The following RAB21 variants were observed in gnomAD, a reference collection of about 807,000 sequenced individuals.
RAB21 encodes ras-related protein Rab-21.
RAB21 carries 13 observed loss-of-function variants against 33.1 expected under a neutral mutation model. The observed-to-expected ratio is 0.39, with a 90% CI of 0.26 to 0.62. The LOEUF is 0.62. RAB21 is among the 20% of genes least tolerant of loss of function. The pLI is 0.48. For missense variants in RAB21, 234 were observed against 279.1 expected (o/e 0.84, Z 1.15); for synonymous variants, 91 against 103.7 (o/e 0.88, Z 0.74).
chr12:71,767,505 TTTTG>T (rs1210223605), intron 1 of RAB21, among the ~76,000 whole-genome samples: 2 of 151,890 alleles, frequency 1.3e-5, no homozygotes, highest in Non-Finnish European at 2.9e-5. Context: ...TTTTTGTTTG[TTTTG>T]TTTTTGTTTT....
intron 3 of RAB21, among the ~76,000 whole-genome samples, chr12:71,772,621 C>T (rs551422860): frequency 6.6e-6 from 1 of 152,128 alleles, no homozygotes; most frequent in African/African-American, 2.4e-5. Flanking sequence ...ACTATATGCA[C>T]ATGGAAGAGA....
Position 71,770,652 on chromosome 12 carries a change from G to A in RAB21, c.280G>A (p.Gly94Arg). The change falls in exon 3 of 7, where the codon GGA (glycine) becomes AGA (arginine). Residue 94 changes from glycine to arginine, a missense_variant. Physicochemically the swap from Gly to Arg is moderately radical, Grantham distance 125. Transcript: ENST00000261263. ...LGPIYYRDSN[G>R]AILVYDITDE... ...TCCAATTTACTACAGAGATTCAAAT[G>A]GAGCGATTTTAGTTTATGACATAAC... 3.1e-6 allele frequency: 5 copies of A among 1,608,600 alleles called. No individual in the cohort carries two copies. Among genetic ancestry groups the A allele is most frequent in the Non-Finnish European group, 3.4e-6 (4 of 1,175,882 alleles).
rs1883502389 is a variant in RAB21, at chr12:71,798,976, A to C, written c.*13303A>C. The C allele has an allele frequency of 6.6e-6, 1 of 152,372 alleles. No individual in the cohort carries two copies. Among genetic ancestry groups the C allele is most frequent in the South Asian group, 2.1e-4 (1 of 4,832 alleles). 9.4% of individuals were successfully genotyped at this position (152,372 alleles called of 1,614,324 possible). A position where few individuals can be genotyped will look rare whatever the true frequency, so the allele number is the denominator to read the frequency against. On this transcript the variant is annotated 3_prime_UTR_variant, in exon 7 of 7. Transcript: ENST00000261263. ...CCTCATGATTTGAAAGGCAAAAGTG[A>C]AGCAGAGGCCAAGTTTTGAAGTTCT...
At position 71,786,849 on chromosome 12, in the gene RAB21, A is replaced by T. The variant is rs752151742; in HGVS notation, c.*1176A>T. ...TTTTTTGTTTGTTATTATAGAAGAG[A>T]TGACTTCTGCTGATTTTGCTTTAGA... On this transcript the variant is annotated 3_prime_UTR_variant, in exon 7 of 7. Coordinates refer to ENST00000261263, the MANE Select transcript of RAB21 (RefSeq NM_014999.4). 6.6e-6 allele frequency: 1 copy of T among 152,188 alleles called. No individual in the cohort carries two copies. The highest frequency in any genetic ancestry group is 1.5e-5 in the Non-Finnish European group (1 of 68,034). The allele number at this position is 152,188 out of a possible 1,614,324, so 9.4% of individuals were successfully genotyped here. A position where few individuals can be genotyped will look rare whatever the true frequency, so the allele number is the denominator to read the frequency against.
At position 71,754,963 on chromosome 12, in the gene RAB21, C is replaced by A; in HGVS notation, c.-167C>A. The A allele has an allele frequency of 1.7e-6, 1 of 579,626 alleles. No individual in the cohort carries two copies. The highest frequency in any genetic ancestry group is 2.2e-6 in the Non-Finnish European group (1 of 456,028). The allele number at this position is 579,626 out of a possible 1,614,324, so 35.9% of individuals were successfully genotyped here. On this transcript the variant is annotated 5_prime_UTR_variant, in exon 1 of 7. Transcript: ENST00000261263. Reference sequence around the variant, plus strand: ...TGGGCTGGGGCCCTTCATTCTCGGACTTTCCCTCAGCCCTTCCAGGCCTCG... The same window carrying A: ...TGGGCTGGGGCCCTTCATTCTCGGAATTTCCCTCAGCCCTTCCAGGCCTCG...
At chr12:71,769,628 G>A (rs1329998410) in intron 1 of RAB21, among the ~76,000 whole-genome samples, 172 bp from the exon 2 acceptor site, 5 of 151,998 alleles carry the variant, frequency 3.3e-5, no homozygotes, top group Admixed American at 3.3e-4. Context: ...AGATAAAAAT[G>A]TAAATAATGT....
At chr12:71,755,342 G>A (rs1274825629) in intron 1 of RAB21, 54 bp downstream of exon 1, 3 of 1,432,648 alleles carry the variant, frequency 2.1e-6, no homozygotes, top group African/African-American at 1.5e-5. Context: ...CCCCTCCGGG[G>A]CTGGGGAAAC....
At chr12:71,774,053 A>T in intron 4 of RAB21, 31 bp downstream of exon 4, 1 of 1,450,516 alleles carries the variant, frequency 6.9e-7, no homozygotes, top group Non-Finnish European at 9.4e-7. Context: ...CTAAAAAAAA[A>T]GTCCTCTGTT....
At chr12:71,783,424 C>T (rs114639110) in intron 6 of RAB21, among the ~76,000 whole-genome samples, 1,662 of 151,372 alleles carry the variant, frequency 0.011, 34 homozygotes, top group African/African-American at 0.039. Flanking sequence ...CATGGTTTTT[C>T]TCTCTAGAAA....
rs1293588583 is a variant in RAB21 at position 71,795,712 on chromosome 12, T to TCA, written c.*10039_*10040insCA. The TCA allele has an allele frequency of 4.4e-5, 6 of 137,306 alleles. 2 individuals are homozygous for TCA. The highest frequency in any genetic ancestry group is 7.6e-5 in the Non-Finnish European group (5 of 66,024). 8.5% of individuals were successfully genotyped at this position (137,306 alleles called of 1,614,324 possible). ...GGTTTTTTGAAGCTCATTAGGATGATACCTGTCATCTCTTGGAAACACTGG... is the reference window on the plus strand; with the variant it reads ...GGTTTTTTGAAGCTCATTAGGATGATCAACCTGTCATCTCTTGGAAACACTGG... On this transcript the variant is annotated 3_prime_UTR_variant, in exon 7 of 7. Coordinates refer to ENST00000261263, the MANE Select transcript of RAB21 (RefSeq NM_014999.4).
chr12:71,756,227 T>G (rs541757021), intron 1 of RAB21, among the ~76,000 whole-genome samples: 22 of 152,348 alleles, frequency 1.4e-4, no homozygotes, highest in African/African-American at 5.3e-4. Flanking sequence ...ACTAGCTGTG[T>G]CATACTGGGT....
At chr12:71,769,913 T>C in intron 2 of RAB21, 54 bp downstream of exon 2, 1 of 1,013,568 alleles carries the variant, frequency 9.9e-7, no homozygotes, top group East Asian at 2.9e-5. Context: ...TTTTTCTTTT[T>C]TTTTAAAGTT....
intron 1 of RAB21, among the ~76,000 whole-genome samples, chr12:71,763,150 C>T (rs980595152): frequency 6.6e-6 from 1 of 150,844 alleles, no homozygotes; most frequent in Non-Finnish European, 1.5e-5. Context: ...CTTACTCATA[C>T]ACTCCCCAAC....
chr12:71,771,869 G>A (rs1331447047), intron 3 of RAB21, among the ~76,000 whole-genome samples: 1 of 151,942 alleles, frequency 6.6e-6, no homozygotes, highest in Non-Finnish European at 1.5e-5. Context: ...TTAGCTACTT[G>A]GGAAGCTGAG....
At chr12:71,760,934 A>G (rs557502096) in intron 1 of RAB21, among the ~76,000 whole-genome samples, 17 of 152,194 alleles carry the variant, frequency 1.1e-4, no homozygotes, top group Admixed American at 5.2e-4. Context: ...GGCTGGGTGC[A>G]GTGGCTCGCA....
At chr12:71,765,238 G>T (rs937374430) in intron 1 of RAB21, among the ~76,000 whole-genome samples, 4 of 152,088 alleles carry the variant, frequency 2.6e-5, no homozygotes, top group Non-Finnish European at 5.9e-5. Context: ...TACGTTTGTT[G>T]GCTGTTTGTA....
At chr12:71,756,123 A>T (rs1268590961) in intron 1 of RAB21, among the ~76,000 whole-genome samples, 8 of 152,194 alleles carry the variant, frequency 5.3e-5, no homozygotes. Context: ...AATTTATCCT[A>T]CTAATTTGAC....
At chr12:71,767,673 T>C (rs1483869280) in intron 1 of RAB21, among the ~76,000 whole-genome samples, 1 of 152,048 alleles carries the variant, frequency 6.6e-6, no homozygotes, top group East Asian at 1.9e-4. Flanking sequence ...TTTGGAGGCA[T>C]ATAGACTGAC....
chr12:71,793,663 G>C lies in RAB21; in HGVS notation c.*7990G>C, dbSNP rs557906608. 2 of 152,334 alleles carry C rather than the reference G, an allele frequency of 1.3e-5. No individual in the cohort carries two copies. The highest frequency in any genetic ancestry group is 4.1e-4 in the South Asian group (2 of 4,822). 9.4% of individuals were successfully genotyped at this position (152,334 alleles called of 1,614,324 possible). A position where few individuals can be genotyped will look rare whatever the true frequency, so the allele number is the denominator to read the frequency against. ...AAGTCCTGTAAAGGAAAAGCTAGAG[G>C]ATGTGAGAGGAGTAATTCATCCCCA... On this transcript the variant is annotated 3_prime_UTR_variant, in exon 7 of 7. Transcript: ENST00000261263.
Sources: gnomAD v4.1 joint callset for allele counts (sites outside exome capture counted in the v4.1 genomes callset) on GRCh38, gnomAD v4.1.1 for gene constraint, MANE v1.5 for transcripts, NCBI Gene and HGNC (gene_info 2026-07-23, HGNC 2026-07-21) for gene names.